PGM5: variants seen among roughly 807,000 people sequenced by gnomAD.
PGM5 encodes the protein phosphoglucomutase 5, also known as phosphoglucomutase-like protein 5.
A neutral mutation model predicts 59.2 loss-of-function variants in PGM5; 23 were observed. That is an observed-to-expected ratio of 0.39 (90% confidence interval 0.28 to 0.55). The LOEUF (loss-of-function observed/expected upper bound fraction) is 0.55, where lower values mean the gene tolerates loss of function less well. Among genes scored for constraint, PGM5 ranks in the 20% least tolerant of loss-of-function variants. The pLI is 0.66. For synonymous variants in PGM5, 214 were observed against 286.0 expected, an observed-to-expected ratio of 0.75 and a Z score of 2.54; for missense variants, 574 against 748.3, an observed-to-expected ratio of 0.77 and a Z score of 2.72.
chr9:68,406,706 A>ATATATATG (rs1822824413), intron 6 of PGM5, among the ~76,000 whole-genome samples: 4 of 84,302 alleles, frequency 4.7e-5, no homozygotes, highest in African/African-American at 2.1e-4. Flanking sequence ...ATATATATAT[A>ATATATATG]TATATATATA....
Position 68,528,798 on chromosome 9 carries a change from CT to C in PGM5, c.1615-768del, listed in dbSNP as rs766006828. Among the ~76,000 whole-genome samples the C allele has an allele frequency of 2.6e-5, 4 of 152,320 alleles. No homozygotes were observed. In the East Asian group the frequency reaches 5.8e-4, roughly 22 times the overall value. On this transcript the variant is annotated intron_variant, in intron 10 of 10. Transcript: ENST00000396396. ...GAAGGATTGAAGAACGGAAAATAGA[CT>C]GATTTTCTCACTGTTTTATTAGCAA...
rs13296119 is a variant in PGM5, at chr9:68,455,951, G to C, written c.1044-9142G>C. On this transcript the variant is annotated intron_variant, in intron 6 of 10. Transcript: ENST00000396396. ...TTGCATTCTATAATTTGGTGGCCTT[G>C]GACTATGGCTGTTTGTCGCTGTAGA... Among the ~76,000 whole-genome samples the C allele has an allele frequency of 8.7e-3, 1,324 of 152,270 alleles. 7 individuals carry two copies. Among genetic ancestry groups the C allele is most frequent in the Admixed American group, 0.014 (221 of 15,304 alleles).
intron 2 of PGM5, among the ~76,000 whole-genome samples, chr9:68,383,525 A>G (rs1332295490): frequency 2.0e-5 from 3 of 151,938 alleles, no homozygotes; most frequent in East Asian, 1.9e-4. Context: ...GTATTGGACA[A>G]TGCAGTTCTA....
chr9:68,490,269 T>G lies in PGM5; in HGVS notation c.1479+6221T>G, dbSNP rs567097167. Among the ~76,000 whole-genome samples, 13 of 152,374 alleles carry G rather than the reference T, an allele frequency of 8.5e-5. No individual in the cohort carries two copies. In the South Asian group the frequency reaches 2.5e-3, roughly 29 times the overall value. On this transcript the variant is annotated intron_variant, in intron 9 of 10. Coordinates refer to ENST00000396396, the MANE Select transcript of PGM5 (RefSeq NM_021965.4). ...CATATCAACTGGAGAATCTGAAGCT[T>G]TAAGATTGAGTTCTTCTCTCTTCAG... is the stretch of plus-strand genomic sequence containing the variant.
chr9:68,425,029 C>T (rs1027587208), intron 6 of PGM5, among the ~76,000 whole-genome samples: 3 of 152,150 alleles, frequency 2.0e-5, no homozygotes, highest in African/African-American at 7.2e-5. Flanking sequence ...ATTTGTTATT[C>T]ATTGTTTTAA....
Position 68,391,687 on chromosome 9 carries a change from G to A in PGM5, c.851G>A (p.Gly284Glu), listed in dbSNP as rs782069014. The A allele has an allele frequency of 3.7e-6, 6 of 1,613,084 alleles. No individual in the cohort carries two copies. The highest frequency in any genetic ancestry group is 4.2e-6 in the Non-Finnish European group (5 of 1,179,386). ...ATTLLEAMKG[G>E]EYGFGAAFDA... is the part of the protein sequence containing the mutation. ...ACTCTTCTGGAAGCAATGAAAGGAG[G>A]AGAATATGGATTTGGAGCTGCATTT... Residue 284 changes from glycine (G) to glutamate (E), a missense_variant, in exon 5 of 11, where the codon GGA becomes GAA. By Grantham distance (98) the Gly-to-Glu change is moderately conservative. Coordinates refer to ENST00000396396, the MANE Select transcript of PGM5 (RefSeq NM_021965.4).
At chr9:68,448,804 G>A (rs1347846482) in intron 6 of PGM5, among the ~76,000 whole-genome samples, 6 of 152,224 alleles carry the variant, frequency 3.9e-5, no homozygotes, top group African/African-American at 1.2e-4. Flanking sequence ...GCAGGGGACA[G>A]CATAGTGTGA....
chr9:68,361,116 C>T (rs2770901), intron 1 of PGM5, among the ~76,000 whole-genome samples: 4 of 152,108 alleles, frequency 2.6e-5, no homozygotes, highest in African/African-American at 9.7e-5. Context: ...GGAGGTCTTA[C>T]TACGTTGCCC....
chr9:68,521,380 C>T (rs970573411), intron 10 of PGM5, among the ~76,000 whole-genome samples: 5 of 152,128 alleles, frequency 3.3e-5, no homozygotes, highest in African/African-American at 1.2e-4. Context: ...TCGTGGCTTC[C>T]GAAGTCTTTT....
chr9:68,463,504 T>C, intron 6 of PGM5, among the ~76,000 whole-genome samples: 1 of 152,130 alleles, frequency 6.6e-6, no homozygotes, highest in Non-Finnish European at 1.5e-5. Flanking sequence ...AGAGACAGGA[T>C]GGTGTAATGG....
At position 68,511,545 on chromosome 9, in the gene PGM5, C is replaced by CTTTTTTTTT. The variant is rs3064033; in HGVS notation, c.1614+12201_1614+12209dup. On this transcript the variant is annotated intron_variant, in intron 10 of 10. Transcript: ENST00000396396. ...TTGTCACTAATGTTATTGTTTTTGCCTTTTTTTTTTTTTTTTTTTTTTTTT... is the reference window on the plus strand; with the variant it reads ...TTGTCACTAATGTTATTGTTTTTGCCTTTTTTTTTTTTTTTTTTTTTTTTTTTTTTTTTT... 2.6e-4 allele frequency among the ~76,000 whole-genome samples: 16 copies of CTTTTTTTTT among 62,734 alleles called. 4 individuals carry two copies. The highest frequency in any genetic ancestry group is 8.2e-4 in the South Asian group (1 of 1,222). The allele number at this position is 62,734 out of a possible 152,430, so 41.2% of individuals were successfully genotyped here. A position where few individuals can be genotyped will look rare whatever the true frequency, so the allele number is the denominator to read the frequency against.
intron 7 of PGM5, among the ~76,000 whole-genome samples, chr9:68,477,202 AACTGG>A (rs1554686743): frequency 6.6e-6 from 1 of 152,202 alleles, no homozygotes; most frequent in African/African-American, 2.4e-5. Flanking sequence ...AGGCAACCAC[AACTGG>A]ACATCCAACA....
chr9:68,451,718 T>TGTA (rs1257759689), intron 6 of PGM5, among the ~76,000 whole-genome samples: 1 of 152,126 alleles, frequency 6.6e-6, no homozygotes, highest in Non-Finnish European at 1.5e-5. Context: ...CTCTGAAGGG[T>TGTA]GTAGTCTACT....
At chr9:68,509,174 G>A (rs782493783) in intron 10 of PGM5, among the ~76,000 whole-genome samples, 11 of 152,150 alleles carry the variant, frequency 7.2e-5, no homozygotes, top group Non-Finnish European at 1.6e-4. Context: ...ATCCCAGAAC[G>A]AGAACTCCTG....
chr9:68,435,966 G>A (rs1295145095), intron 6 of PGM5, among the ~76,000 whole-genome samples: 1 of 152,172 alleles, frequency 6.6e-6, no homozygotes, highest in African/African-American at 2.4e-5. Flanking sequence ...AAACTAACAT[G>A]CATTGCACCT....
chr9:68,384,582 A>G (rs1822167584), intron 3 of PGM5, 38 bp downstream of exon 3: 2 of 1,432,430 alleles, frequency 1.4e-6, no homozygotes, highest in African/African-American at 1.4e-5. Flanking sequence ...CAGAGTAACT[A>G]TGTGGATGGG....
intron 6 of PGM5, among the ~76,000 whole-genome samples, chr9:68,439,510 T>A (rs1554683547): frequency 7.0e-6 from 1 of 143,748 alleles, no homozygotes; most frequent in Non-Finnish European, 1.5e-5. Flanking sequence ...CCCATATATA[T>A]GAGTGTATAT....
rs375879190 is a variant in PGM5 at position 68,479,704 on chromosome 9, G to A, written c.1295+151G>A. 20 of 612,460 alleles carry A rather than the reference G, an allele frequency of 3.3e-5. No individual in the cohort carries two copies. The African/African-American group carries it at 3.4e-4, about 10-fold the overall frequency. 37.9% of individuals were successfully genotyped at this position (612,460 alleles called of 1,614,324 possible). ...AATCCCAGCACTTTGGGAGGCCGAG[G>A]TGGGCGGATCACGAGGTCAGGAGAT... On this transcript the variant is annotated intron_variant, in intron 8 of 10. Transcript: ENST00000396396.
intron 10 of PGM5, among the ~76,000 whole-genome samples, chr9:68,502,041 A>G (rs1468842598): frequency 1.3e-5 from 2 of 152,192 alleles, no homozygotes; most frequent in African/African-American, 4.8e-5. Context: ...GTTAATATCA[A>G]TTTCTTATCT....
Sources: gnomAD v4.1 joint callset for allele counts (sites outside exome capture counted in the v4.1 genomes callset) on GRCh38, gnomAD v4.1.1 for gene constraint, MANE v1.5 for transcripts, NCBI Gene and HGNC (gene_info 2026-07-23, HGNC 2026-07-21) for gene names.